The following HHAT variants were observed in gnomAD, a reference collection of about 807,000 sequenced individuals.
HHAT encodes hedgehog acyltransferase.
A neutral mutation model predicts 70.8 loss-of-function variants in HHAT; 47 were observed. The ratio of observed to expected loss-of-function variants is 0.66; its 90% confidence interval spans 0.53 to 0.85. The LOEUF is 0.85. HHAT is among the 40% of genes least tolerant of loss of function. The pLI is 0.00. For missense variants in HHAT, 609 were observed against 604.8 expected, an observed-to-expected ratio of 1.01 and a Z score of -0.07; for synonymous variants, 228 against 247.6, an observed-to-expected ratio of 0.92 and a Z score of 0.74.
intron 8 of HHAT, among the ~76,000 whole-genome samples, chr1:210,503,157 G>A (rs757983881): frequency 2.6e-5 from 4 of 152,034 alleles, no homozygotes; most frequent in Non-Finnish European, 5.9e-5. Context: ...ACAGGGTTTC[G>A]CCATGTTGGC....
Position 210,334,178 on chromosome 1 carries a change from A to ATTTTTTTTTTTTTTTTTTTTTTTTT in HHAT, c.-44+5094_-44+5095insTTTTTTTTTTTTTTTTTTTTTTTTT. 7.0e-3 allele frequency among the ~76,000 whole-genome samples: 704 copies of ATTTTTTTTTTTTTTTTTTTTTTTTT among 99,938 alleles called. 181 individuals are homozygous for ATTTTTTTTTTTTTTTTTTTTTTTTT. Among genetic ancestry groups the ATTTTTTTTTTTTTTTTTTTTTTTTT allele is most frequent in the Non-Finnish European group, 1.0e-2 (501 of 50,180 alleles). The allele number at this position is 99,938 out of a possible 152,430, so 65.6% of individuals were successfully genotyped here. ...TACTTGCTGGCCACTTTAGCGTGTC[A>ATTTTTTTTTTTTTTTTTTTTTTTTT]TTTTTTTTTTTTTTTTTTTTGAGAA... On this transcript the variant is annotated intron_variant, in intron 1 of 11. Transcript: ENST00000261458.
At chr1:210,580,563 C>A (rs1267253015) in intron 9 of HHAT, among the ~76,000 whole-genome samples, 1 of 142,200 alleles carries the variant, frequency 7.0e-6, no homozygotes, top group African/African-American at 2.6e-5. Context: ...TTGTTCAATT[C>A]CCACTTATGA....
intron 6 of HHAT, among the ~76,000 whole-genome samples, chr1:210,410,280 TCTC>T (rs2092487184): frequency 6.6e-6 from 1 of 151,648 alleles, no homozygotes; most frequent in East Asian, 1.9e-4. Context: ...ATGGTCTCGA[TCTC>T]CTGACCTTGT....
intron 7 of HHAT, among the ~76,000 whole-genome samples, chr1:210,457,078 C>T (rs557209820): frequency 1.3e-5 from 2 of 152,136 alleles, no homozygotes; most frequent in Non-Finnish European, 2.9e-5. Flanking sequence ...GCAATAGCTA[C>T]CTTTTGTTCA....
chr1:210,338,800 A>G (rs1204059405), intron 1 of HHAT, among the ~76,000 whole-genome samples: 2 of 152,222 alleles, frequency 1.3e-5, no homozygotes, highest in Non-Finnish European at 2.9e-5. Flanking sequence ...AAGGTAGAAG[A>G]GGACTGGTGG....
intron 1 of HHAT, among the ~76,000 whole-genome samples, chr1:210,334,775 A>G (rs1382436415): frequency 1.3e-5 from 2 of 151,790 alleles, no homozygotes; most frequent in Non-Finnish European, 2.9e-5. Flanking sequence ...AACTACTATC[A>G]CATATCCCAC....
intron 8 of HHAT, among the ~76,000 whole-genome samples, chr1:210,482,901 ATCACTCTCTTC>A: frequency 6.6e-6 from 1 of 152,316 alleles, no homozygotes; most frequent in Non-Finnish European, 1.5e-5. Context: ...GTAGCTTTTC[ATCACTCTCTTC>A]TCATTTCCTC....
chr1:210,354,613 C>T (rs760129275), intron 2 of HHAT, among the ~76,000 whole-genome samples: 3 of 152,142 alleles, frequency 2.0e-5, no homozygotes, highest in Non-Finnish European at 4.4e-5. Flanking sequence ...CTTCCTGCCT[C>T]GGCCTCCCAA....
chr1:210,576,475 A>G (rs952896770), intron 9 of HHAT, among the ~76,000 whole-genome samples: 1 of 137,056 alleles, frequency 7.3e-6, no homozygotes, highest in African/African-American at 2.7e-5. Flanking sequence ...ATGAGAACAC[A>G]TGGACACAGG....
intron 11 of HHAT, among the ~76,000 whole-genome samples, chr1:210,643,153 C>T (rs1673305781): frequency 6.6e-6 from 1 of 152,152 alleles, no homozygotes; most frequent in African/African-American, 2.4e-5. Flanking sequence ...ATCAAATGTC[C>T]ATGGTCTGTT....
chr1:210,329,517 C>G, intron 1 of HHAT: 5 of 992,156 alleles, frequency 5.0e-6, no homozygotes, highest in Non-Finnish European at 6.0e-6. Flanking sequence ...ATCTTCAGGA[C>G]TCAGTTTTCT....
chr1:210,487,625 G>A (rs4363421), intron 8 of HHAT, among the ~76,000 whole-genome samples: 103,682 of 152,086 alleles, frequency 0.68, 35,566 homozygotes, highest in East Asian at 0.77. Context: ...AAGGGGTTCA[G>A]AAGATGTTGC....
intron 10 of HHAT, among the ~76,000 whole-genome samples, chr1:210,614,552 C>T (rs1573742115): frequency 6.6e-6 from 1 of 152,210 alleles, no homozygotes; most frequent in African/African-American, 2.4e-5. Context: ...CTAATGCTAT[C>T]CCTCTCCCCT....
In HHAT at chr1:210,362,885, T is replaced by C. The variant is rs1426396610; in HGVS notation, c.125T>C (p.Leu42Pro). The change falls in exon 3 of 12, where the codon CTG becomes CCG. Residue 42 changes from leucine to proline, a missense_variant. Coordinates refer to ENST00000261458, the MANE Select transcript of HHAT (RefSeq NM_018194.6). ...HEEELDQEFE[L>P]ETDTLFGGLK... ...GAGGAGCTGGACCAGGAATTTGAGC[T>C]GGAGACTGACACTTTATTTGGAGGA... 2 of 1,613,984 alleles carry C rather than the reference T, an allele frequency of 1.2e-6. No homozygotes were observed. Among genetic ancestry groups the C allele is most frequent in the Admixed American group, 1.7e-5 (1 of 60,018 alleles).
At chr1:210,402,922 A>G (rs1313457751) in intron 5 of HHAT, among the ~76,000 whole-genome samples, 1 of 152,188 alleles carries the variant, frequency 6.6e-6, no homozygotes, top group African/African-American at 2.4e-5. Flanking sequence ...AGTCTATTCT[A>G]TTCCCCATCT....
chr1:210,370,436 T>C (rs1274282779), intron 3 of HHAT, among the ~76,000 whole-genome samples: 1 of 151,696 alleles, frequency 6.6e-6, no homozygotes, highest in Non-Finnish European at 1.5e-5. Flanking sequence ...GCCTCTCAAA[T>C]TGCTGGGATT....
intron 9 of HHAT, among the ~76,000 whole-genome samples, chr1:210,582,937 T>A (rs576684341): frequency 7.2e-5 from 11 of 152,356 alleles, no homozygotes; most frequent in Admixed American, 1.3e-4. Flanking sequence ...AGAAAGGACA[T>A]TTTTCAGTTA....
At chr1:210,439,526 T>C (rs2093456683) in intron 7 of HHAT, 1 of 151,810 alleles carries the variant, frequency 6.6e-6, no homozygotes, top group African/African-American at 2.4e-5. Context: ...TTAGTCTTCT[T>C]CCCTCCATCT....
chr1:210,333,033 T>A (rs1245763612), intron 1 of HHAT, among the ~76,000 whole-genome samples: 1 of 152,160 alleles, frequency 6.6e-6, no homozygotes, highest in Non-Finnish European at 1.5e-5. Context: ...TGGTAAATAA[T>A]GGGCGGGCCA....
Sources: allele counts gnomAD v4.1 joint callset (sites outside exome capture counted in the v4.1 genomes callset), GRCh38; gene constraint gnomAD v4.1.1; transcripts MANE v1.5; gene names NCBI Gene and HGNC (gene_info 2026-07-23, HGNC 2026-07-21).